The following C1orf115 variants were observed in gnomAD, a reference collection of about 807,000 sequenced individuals.
The protein encoded by C1orf115 is required for drug-induced death protein 1.
Under a neutral mutation model 12.5 loss-of-function variants are expected in C1orf115, and 14 were observed. That is an observed-to-expected ratio of 1.12 (90% CI 0.74 to 1.75). C1orf115 has a LOEUF of 1.75. Ranked by LOEUF, C1orf115 falls within the 40% of genes most tolerant of loss-of-function variation. C1orf115 has a pLI of 0.00. For missense variants in C1orf115, 237 were observed against 220.8 expected (o/e 1.07, Z -0.46); for synonymous variants, 109 against 104.6 (o/e 1.04, Z -0.26).
intron 1 of C1orf115, 75 bp downstream of exon 1, chr1:220,690,786 A>C: frequency 6.7e-7 from 1 of 1,489,556 alleles, no homozygotes; most frequent in Non-Finnish European, 9.0e-7. Flanking sequence ...CCGGGTCCTT[A>C]CCATCGACTC....
Position 220,693,705 on chromosome 1 carries a change from T to A in C1orf115, c.310-2907T>A, listed in dbSNP as rs540842495. 2.6e-5 allele frequency among the ~76,000 whole-genome samples: 4 copies of A among 152,298 alleles called. No individual in the cohort carries two copies. In the East Asian group the frequency reaches 7.7e-4, roughly 29 times the overall value. ...CCAAAGGAAACACTCAGCCTCTTTC[T>A]ACATGCTCAGGATACAGTAATGAGC... On this transcript the variant is annotated intron_variant, in intron 1 of 1. Transcript: ENST00000294889.
In C1orf115 at chr1:220,690,467, G is replaced by T; in HGVS notation, c.65G>T (p.Gly22Val). 6.9e-7 allele frequency: 1 copy of T among 1,444,522 alleles called. No individual in the cohort carries two copies. 89.5% of individuals were successfully genotyped at this position (1,444,522 alleles called of 1,614,324 possible). A position where few individuals can be genotyped will look rare whatever the true frequency, so the allele number is the denominator to read the frequency against. Residue 22 changes from glycine (G) to valine (V), a missense_variant, in exon 1 of 2, where the codon GGG (glycine) becomes GTG (valine). By Grantham distance (109) the Gly-to-Val change is moderately radical. Transcript: ENST00000294889. The part of the protein sequence containing the change: ...ESSLLRRGPR[G>V]RGRTEGDEEA... ...AGCCTCCTGCGCCGCGGGCCCCGAG[G>T]GCGAGGGCGAACCGAGGGGGACGAG...
chr1:220,690,563 G>A lies in C1orf115; in HGVS notation c.161G>A (p.Ser54Asn). Residue 54 changes from serine to asparagine, a missense_variant, in exon 1 of 2, where the codon AGC becomes AAC. Coordinates refer to ENST00000294889, the MANE Select transcript of C1orf115 (RefSeq NM_024709.5). ...EAEAAAESGT[S>N]AADERGPGTR... ...GAGGCGGCGGCCGAGAGCGGGACGA[G>A]CGCGGCGGACGAGCGGGGCCCGGGG... 1 of 1,480,336 alleles carries A rather than the reference G, an allele frequency of 6.8e-7. No individual in the cohort carries two copies. Among genetic ancestry groups the A allele is most frequent in the Non-Finnish European group, 8.9e-7 (1 of 1,120,056 alleles). 91.7% of individuals were successfully genotyped at this position (1,480,336 alleles called of 1,614,324 possible). A position where few individuals can be genotyped will look rare whatever the true frequency, so the allele number is the denominator to read the frequency against.
Position 220,696,767 on chromosome 1 carries a change from G to A in C1orf115, c.*36G>A, listed in dbSNP as rs561183042. 4.5e-6 allele frequency: 7 copies of A among 1,551,960 alleles called. No individual in the cohort carries two copies. The Admixed American group carries it at 5.2e-5, about 11-fold the overall frequency. On this transcript the variant is annotated 3_prime_UTR_variant, in exon 2 of 2. Transcript: ENST00000294889. ...TGTGGCAGGTGCCCCCAGAGTGAAC[G>A]GGAGCCCCTGCTGTGGGAACTTTGT...
rs1670215640 is a variant in C1orf115, at chr1:220,697,673, G to A, written c.*942G>A. On this transcript the variant is annotated 3_prime_UTR_variant, in exon 2 of 2. Transcript: ENST00000294889. The surrounding 1 kb of genome is among the most constrained non-coding windows in gnomAD (Gnocchi z 4.5). ...TTGTCCTGGGTGGGACATAGGGGCT[G>A]AGAGAGATGGGGGGAGACATAACAC... 6.6e-6 allele frequency: 1 copy of A among 152,498 alleles called. No homozygotes were observed. Among genetic ancestry groups the A allele is most frequent in the African/African-American group, 2.4e-5 (1 of 41,474 alleles). 9.4% of individuals were successfully genotyped at this position (152,498 alleles called of 1,614,324 possible). A position where few individuals can be genotyped will look rare whatever the true frequency, so the allele number is the denominator to read the frequency against.
At chr1:220,695,552 A>G (rs1447457384) in intron 1 of C1orf115, among the ~76,000 whole-genome samples, 1 of 129,428 alleles carries the variant, frequency 7.7e-6, no homozygotes, top group Non-Finnish European at 1.5e-5. Context: ...TCATGAAGGT[A>G]TGGAGACTTG....
intron 1 of C1orf115, among the ~76,000 whole-genome samples, chr1:220,694,845 A>G (rs1232801746): frequency 6.6e-6 from 1 of 152,126 alleles, no homozygotes; most frequent in Non-Finnish European, 1.5e-5. Context: ...GAGAGACTGT[A>G]GGGAAAGAAA....
At chr1:220,695,889 G>A (rs1670186013) in intron 1 of C1orf115, among the ~76,000 whole-genome samples, 1 of 152,136 alleles carries the variant, frequency 6.6e-6, no homozygotes, top group Non-Finnish European at 1.5e-5. Flanking sequence ...TGCAATAAAT[G>A]TTTGGTGGTG....
Position 220,696,864 on chromosome 1 carries a change from C to T in C1orf115, c.*133C>T. Reference sequence around the variant, plus strand: ...GAAAACATGCCTTTCTTTGTTGAATCACATTAGTATGATGAGTGAGTCATC... The same window carrying T: ...GAAAACATGCCTTTCTTTGTTGAATTACATTAGTATGATGAGTGAGTCATC... On this transcript the variant is annotated 3_prime_UTR_variant, in exon 2 of 2. Transcript: ENST00000294889. The T allele has an allele frequency of 8.3e-7, 1 of 1,208,906 alleles. No individual in the cohort carries two copies. Among genetic ancestry groups the T allele is most frequent in the South Asian group, 1.8e-5 (1 of 54,512 alleles). 74.9% of individuals were successfully genotyped at this position (1,208,906 alleles called of 1,614,324 possible).
intron 1 of C1orf115, among the ~76,000 whole-genome samples, chr1:220,694,882 T>C (rs1252929295): frequency 6.6e-6 from 1 of 152,028 alleles, no homozygotes; most frequent in Non-Finnish European, 1.5e-5. Context: ...CAGGACTGAG[T>C]ATTGAACAAC....
In C1orf115 at chr1:220,696,679, C is replaced by A; in HGVS notation, c.377C>A (p.Ala126Asp). ...VVIGLQGFAA[A>D]YSAPFAVATS... is the part of the protein sequence containing the mutation. ...ATCGGCCTGCAAGGCTTCGCTGCAG[C>A]CTACTCCGCCCCGTTTGCGGTAGCC... is the stretch of plus-strand genomic sequence containing the variant. The change falls in exon 2 of 2, where the codon GCC becomes GAC. Residue 126 changes from alanine (A) to aspartate (D), a missense_variant. Transcript: ENST00000294889. 6.2e-7 allele frequency: 1 copy of A among 1,602,418 alleles called. No homozygotes were observed. Among genetic ancestry groups the A allele is most frequent in the Non-Finnish European group, 8.5e-7 (1 of 1,170,206 alleles).
intron 1 of C1orf115, among the ~76,000 whole-genome samples, chr1:220,693,097 T>C (rs1244558313): frequency 6.6e-6 from 1 of 152,212 alleles, no homozygotes. Context: ...CCCCTCTTTG[T>C]TCCCCGAGAC....
At chr1:220,695,503 T>G (rs1174087528) in intron 1 of C1orf115, among the ~76,000 whole-genome samples, 2 of 147,472 alleles carry the variant, frequency 1.4e-5, no homozygotes, top group Non-Finnish European at 1.5e-5. Context: ...GGTTTTTTTT[T>G]TTTTTTTTTT....
At chr1:220,694,774 A>G (rs1275804007) in intron 1 of C1orf115, among the ~76,000 whole-genome samples, 1 of 152,216 alleles carries the variant, frequency 6.6e-6, no homozygotes, top group Non-Finnish European at 1.5e-5. Context: ...AGTCTGAACT[A>G]AAGAGTTCTT....
chr1:220,690,379 CT>C lies in C1orf115; in HGVS notation c.-22del. 1 of 1,386,464 alleles carries C rather than the reference CT, an allele frequency of 7.2e-7. No individual in the cohort carries two copies. The highest frequency in any genetic ancestry group is 9.3e-7 in the Non-Finnish European group (1 of 1,077,226). The allele number at this position is 1,386,464 out of a possible 1,614,324, so 85.9% of individuals were successfully genotyped here. A position where few individuals can be genotyped will look rare whatever the true frequency, so the allele number is the denominator to read the frequency against. On this transcript the variant is annotated 5_prime_UTR_variant, in exon 1 of 2. Transcript: ENST00000294889. ...AAGGTTGGTGTCTTTGCGCTCGGAC[CT>C]TCGCCAGAGGGGCCGGGACATCATG... is the stretch of plus-strand genomic sequence containing the variant.
chr1:220,696,848 C>T lies in C1orf115; in HGVS notation c.*117C>T. The T allele has an allele frequency of 2.3e-6, 3 of 1,324,772 alleles. No individual in the cohort carries two copies. Among genetic ancestry groups the T allele is most frequent in the Non-Finnish European group, 3.0e-6 (3 of 987,910 alleles). The allele number at this position is 1,324,772 out of a possible 1,614,324, so 82.1% of individuals were successfully genotyped here. A position where few individuals can be genotyped will look rare whatever the true frequency, so the allele number is the denominator to read the frequency against. ...CAGCATATTTGGAAGAGAAAACATG[C>T]CTTTCTTTGTTGAATCACATTAGTA... On this transcript the variant is annotated 3_prime_UTR_variant, in exon 2 of 2. Coordinates refer to ENST00000294889, the MANE Select transcript of C1orf115 (RefSeq NM_024709.5).
chr1:220,691,350 T>C (rs753441696), intron 1 of C1orf115, among the ~76,000 whole-genome samples: 2 of 152,192 alleles, frequency 1.3e-5, no homozygotes, highest in African/African-American at 4.8e-5. Context: ...GACAGTTTCC[T>C]TCGCGGAAAT....
In C1orf115 at chr1:220,696,607, A is replaced by C; in HGVS notation, c.310-5A>C. The C allele has an allele frequency of 6.3e-7, 1 of 1,577,792 alleles. No homozygotes were observed. The highest frequency in any genetic ancestry group is 8.7e-7 in the Non-Finnish European group (1 of 1,150,880). On this transcript the variant is annotated splice_region_variant and splice_polypyrimidine_tract_variant and intron_variant, in intron 1 of 1. Transcript: ENST00000294889. ...TTTGCTTTTCTCTTTTATTCCTAAC[A>C]CTAGAATGTCGGGAAGGTCATCATC...
intron 1 of C1orf115, among the ~76,000 whole-genome samples, chr1:220,692,289 A>G (rs1244057572): frequency 6.6e-6 from 1 of 152,222 alleles, no homozygotes; most frequent in Non-Finnish European, 1.5e-5. Context: ...TTCCACTCCT[A>G]GGGATGTAAC....
Sources: gnomAD v4.1 joint callset for allele counts (sites outside exome capture counted in the v4.1 genomes callset) on GRCh38, gnomAD v4.1.1 for gene constraint, Gnocchi (gnomAD v3.1) non-coding constraint, MANE v1.5 for transcripts, NCBI Gene and HGNC (gene_info 2026-07-23, HGNC 2026-07-21) for gene names.